CYP20A1: variants seen among roughly 807,000 people sequenced by gnomAD.
The protein encoded by CYP20A1 is cytochrome P450 family 20 subfamily A member 1, also known as cytochrome P450 20A1.
A neutral mutation model predicts 61.4 loss-of-function variants in CYP20A1; 61 were observed. That is an observed-to-expected ratio of 0.99 (90% CI 0.81 to 1.23). CYP20A1 has a LOEUF of 1.23. Ranked by LOEUF, CYP20A1 falls within the 50% of genes most tolerant of loss-of-function variation. The probability of loss-of-function intolerance (pLI) is 0.00; values close to 1 mark genes in which losing one functional copy is unlikely to be tolerated. For synonymous variants in CYP20A1, 193 were observed against 188.2 expected (o/e 1.03, Z -0.21); for missense variants, 530 against 542.4 (o/e 0.98, Z 0.23).
rs2068851044 is a variant in CYP20A1 at position 203,297,462 on chromosome 2, T to C, written c.*554T>C. On this transcript the variant is annotated 3_prime_UTR_variant, in exon 13 of 13. Coordinates refer to ENST00000356079, the MANE Select transcript of CYP20A1 (RefSeq NM_177538.3). ...GCTCATGCCTGTAATCCCAGCACTTTGGGATGCTGAGGCGGGTGGATCACC... is the reference window on the plus strand; with the variant it reads ...GCTCATGCCTGTAATCCCAGCACTTCGGGATGCTGAGGCGGGTGGATCACC... 6.5e-6 allele frequency: 1 copy of C among 152,696 alleles called. No homozygotes were observed. Among genetic ancestry groups the C allele is most frequent in the African/African-American group, 2.4e-5 (1 of 41,384 alleles). The allele number at this position is 152,696 out of a possible 1,614,324, so 9.5% of individuals were successfully genotyped here. A position where few individuals can be genotyped will look rare whatever the true frequency, so the allele number is the denominator to read the frequency against.
At chr2:203,261,031 G>A (rs868379014) in intron 4 of CYP20A1, among the ~76,000 whole-genome samples, 22 of 151,476 alleles carry the variant, frequency 1.5e-4, no homozygotes, top group Non-Finnish European at 2.7e-4. Context: ...GGGTCCATTG[G>A]GAGAGAGAAG....
At position 203,301,273 on chromosome 2, in the gene CYP20A1, T is replaced by C. The variant is rs867073092; in HGVS notation, c.*4365T>C. Among the ~76,000 whole-genome samples the C allele has an allele frequency of 6.6e-6, 1 of 151,474 alleles. No homozygotes were observed. The highest frequency in any genetic ancestry group is 3.2e-3 in the Middle Eastern group (1 of 314). On this transcript the variant is annotated 3_prime_UTR_variant, in exon 13 of 13. Transcript: ENST00000356079. Reference sequence around the variant, plus strand: ...CTTTCTTTTCTTTTCTTTTTTTTTTTTGAGGCACAGTCTTGCTTTGTTGAC... The same window carrying C: ...CTTTCTTTTCTTTTCTTTTTTTTTTCTGAGGCACAGTCTTGCTTTGTTGAC...
In CYP20A1 at chr2:203,298,573, C is replaced by G. The variant is rs2068901058; in HGVS notation, c.*1665C>G. 6.9e-6 allele frequency among the ~76,000 whole-genome samples: 1 copy of G among 145,918 alleles called. No homozygotes were observed. The stretch of plus-strand genomic sequence containing the variant: ...AAAATTAGCCAGATGTGGTGGTGCA[C>G]ATTTGTAATCCCAGCTACTCAGGAG... On this transcript the variant is annotated 3_prime_UTR_variant, in exon 13 of 13. Coordinates refer to ENST00000356079, the MANE Select transcript of CYP20A1 (RefSeq NM_177538.3).
chr2:203,254,450 C>T (rs1194484129), intron 4 of CYP20A1, among the ~76,000 whole-genome samples: 1 of 151,222 alleles, frequency 6.6e-6, no homozygotes, highest in Non-Finnish European at 1.5e-5. Context: ...GAGGCTGAGG[C>T]AGAAGCATCA....
rs1029276217 is a variant in CYP20A1 at position 203,303,235 on chromosome 2, C to T, written c.*6327C>T. Among the ~76,000 whole-genome samples, 4 of 150,508 alleles carry T rather than the reference C, an allele frequency of 2.7e-5. No individual in the cohort carries two copies. The highest frequency in any genetic ancestry group is 6.6e-5 in the Admixed American group (1 of 15,058). On this transcript the variant is annotated 3_prime_UTR_variant, in exon 13 of 13. Transcript: ENST00000356079. ...GGCCAGGCTGGTCTTGAACTCCTAA[C>T]CTCAGGTGATTCACACCCCTTGGCC...
chr2:203,242,934 G>A (rs778319578), intron 1 of CYP20A1, among the ~76,000 whole-genome samples: 5 of 151,856 alleles, frequency 3.3e-5, no homozygotes, highest in African/African-American at 1.2e-4. Flanking sequence ...TGTCAATTCC[G>A]CCCCTGAACC....
chr2:203,280,238 G>A, intron 8 of CYP20A1, 125 bp downstream of exon 8: 1 of 617,294 alleles, frequency 1.6e-6, no homozygotes, highest in East Asian at 3.1e-5. Flanking sequence ...GCCAGGAGTT[G>A]GAGGCCAGCT....
At position 203,279,609 on chromosome 2, in the gene CYP20A1, T is replaced by A. The variant is rs563279710; in HGVS notation, c.796-450T>A. Among the ~76,000 whole-genome samples the A allele has an allele frequency of 5.3e-5, 8 of 152,280 alleles. No homozygotes were observed. The South Asian group carries it at 1.7e-3, about 32-fold the overall frequency. On this transcript the variant is annotated intron_variant, in intron 7 of 12. Coordinates refer to ENST00000356079, the MANE Select transcript of CYP20A1 (RefSeq NM_177538.3). The stretch of plus-strand genomic sequence containing the variant: ...CCTTGTAGCCAGAAGTAGTTTGATA[T>A]ATGTTGGTGCAGAAATTGAATTTGG...
chr2:203,302,953 A>C lies in CYP20A1; in HGVS notation c.*6045A>C, dbSNP rs960091566. Among the ~76,000 whole-genome samples, 37 of 151,934 alleles carry C rather than the reference A, an allele frequency of 2.4e-4. No individual in the cohort carries two copies. The highest frequency in any genetic ancestry group is 8.5e-4 in the African/African-American group (35 of 41,362). ...TGATCTGCCCAACTCAGCCTCCCAG[A>C]GTGCTGGGATTACAAGCATGAGCCA... On this transcript the variant is annotated 3_prime_UTR_variant, in exon 13 of 13. Transcript: ENST00000356079.
intron 11 of CYP20A1, among the ~76,000 whole-genome samples, chr2:203,293,044 C>T (rs1465706938): frequency 6.6e-6 from 1 of 151,162 alleles, no homozygotes; most frequent in African/African-American, 2.4e-5. Flanking sequence ...CATGGTGGCG[C>T]ATGCCTGTAA....
At chr2:203,289,202 A>G in intron 9 of CYP20A1, among the ~76,000 whole-genome samples, 1 of 152,160 alleles carries the variant, frequency 6.6e-6, no homozygotes. Context: ...GTATCATTTC[A>G]TATGTCTTCA....
At chr2:203,256,980 A>G (rs1046143533) in intron 4 of CYP20A1, among the ~76,000 whole-genome samples, 1 of 152,162 alleles carries the variant, frequency 6.6e-6, no homozygotes, top group Admixed American at 6.6e-5. Context: ...CTAAACTTCC[A>G]TAACAACTGG....
intron 6 of CYP20A1, among the ~76,000 whole-genome samples, chr2:203,277,596 A>G (rs565553623): frequency 1.3e-4 from 20 of 151,450 alleles, no homozygotes; most frequent in African/African-American, 4.6e-4. Flanking sequence ...GCTCACTGCA[A>G]CCTCTGCTGC....
chr2:203,256,938 T>C lies in CYP20A1; in HGVS notation c.432+4829T>C, dbSNP rs187527985. On this transcript the variant is annotated intron_variant, in intron 4 of 12. Transcript: ENST00000356079. ...CTAACTTCTACTCCAGCCTCCAGTT[T>C]AGTTAAATATGCTTCCCTCCATGTA... 5.6e-4 allele frequency among the ~76,000 whole-genome samples: 85 copies of C among 152,310 alleles called. 1 individual carries two copies. Among genetic ancestry groups the C allele is most frequent in the African/African-American group, 1.7e-3 (71 of 41,570 alleles).
chr2:203,255,842 C>T (rs2066875271), intron 4 of CYP20A1, among the ~76,000 whole-genome samples: 1 of 152,214 alleles, frequency 6.6e-6, no homozygotes, highest in Non-Finnish European at 1.5e-5. Flanking sequence ...GTGGAATGCA[C>T]CTCCAGTCAT....
In CYP20A1 at chr2:203,300,061, G is replaced by T. The variant is rs2068960488; in HGVS notation, c.*3153G>T. On this transcript the variant is annotated 3_prime_UTR_variant, in exon 13 of 13. Transcript: ENST00000356079. ...AACCAAGTGTCAGATCAGATGAGAT[G>T]AAAGAGGTGGAGTTTAAAGCAAGTG... 6.6e-6 allele frequency among the ~76,000 whole-genome samples: 1 copy of T among 152,134 alleles called. No homozygotes were observed. Among genetic ancestry groups the T allele is most frequent in the Non-Finnish European group, 1.5e-5 (1 of 68,014 alleles).
Position 203,300,623 on chromosome 2 carries a change from C to G in CYP20A1, c.*3715C>G, listed in dbSNP as rs1399509343. On this transcript the variant is annotated 3_prime_UTR_variant, in exon 13 of 13. Coordinates refer to ENST00000356079, the MANE Select transcript of CYP20A1 (RefSeq NM_177538.3). ...ACATAAGCATGGCCGGGCACAGTGG[C>G]TCACACCTGTAATCCCAGCTCTTTG... 2.0e-5 allele frequency among the ~76,000 whole-genome samples: 3 copies of G among 152,144 alleles called. No homozygotes were observed. Among genetic ancestry groups the G allele is most frequent in the African/African-American group, 7.2e-5 (3 of 41,440 alleles).
At chr2:203,243,237 G>A (rs567310475) in intron 1 of CYP20A1, among the ~76,000 whole-genome samples, 2 of 151,994 alleles carry the variant, frequency 1.3e-5, no homozygotes, top group South Asian at 4.2e-4. Flanking sequence ...TTCACCTTCC[G>A]GGTTCAAGCG....
chr2:203,294,057 T>G (rs950349323), intron 11 of CYP20A1, among the ~76,000 whole-genome samples: 9 of 152,008 alleles, frequency 5.9e-5, no homozygotes, highest in African/African-American at 1.7e-4. Context: ...AAACACAGGC[T>G]CACTGCAGCC....
Sources: gnomAD v4.1 joint callset for allele counts (sites outside exome capture counted in the v4.1 genomes callset) on GRCh38, gnomAD v4.1.1 for gene constraint, MANE v1.5 for transcripts, NCBI Gene and HGNC (gene_info 2026-07-23, HGNC 2026-07-21) for gene names.